Variants in PNPT1 observed in about 807,000 individuals in gnomAD.
The protein encoded by PNPT1 is polyribonucleotide nucleotidyltransferase 1, mitochondrial.
In PNPT1, 53 loss-of-function variants were observed where a neutral mutation model predicts 119.5. That is an observed-to-expected ratio of 0.44 (90% confidence interval 0.36 to 0.56). PNPT1 has a LOEUF of 0.56. Among genes scored for constraint, PNPT1 ranks in the 20% least tolerant of loss-of-function variants. The pLI is 0.00. For synonymous variants in PNPT1, 357 were observed against 322.1 expected (o/e 1.11, Z -1.16); for missense variants, 948 against 938.5 (o/e 1.01, Z -0.13).
intron 23 of PNPT1, among the ~76,000 whole-genome samples, chr2:55,643,867 G>C (rs1695911671): frequency 6.6e-6 from 1 of 152,132 alleles, no homozygotes; most frequent in African/African-American, 2.4e-5. Flanking sequence ...AGGAATGAAG[G>C]AATTCATTCA....
chr2:55,686,502 G>A, intron 2 of PNPT1, 58 bp from the exon 3 acceptor site: 3 of 1,295,596 alleles, frequency 2.3e-6, no homozygotes, highest in Non-Finnish European at 3.3e-6. Context: ...TAGCATCTAA[G>A]TAGCAACTGA....
intron 5 of PNPT1, among the ~76,000 whole-genome samples, chr2:55,682,742 T>C (rs1337278937): frequency 1.3e-5 from 2 of 151,914 alleles, no homozygotes; most frequent in African/African-American, 2.4e-5. Context: ...ACCCCCTCTC[T>C]ACAAAAAACA....
Position 55,687,688 on chromosome 2 carries a change from G to A in PNPT1, c.179C>T (p.Ser60Phe). 6.2e-7 allele frequency: 1 copy of A among 1,602,098 alleles called. No individual in the cohort carries two copies. The highest frequency in any genetic ancestry group is 2.3e-5 in the East Asian group (1 of 44,416). The part of the protein sequence containing the change: ...DLGNRKLEIS[S>F]GKLARFADGS... ...ATCTGCAAATCTGGCCAGCTTTCCA[G>A]AAGATATTTCTAATTTCCTGTTTAA... is the stretch of plus-strand genomic sequence containing the variant. The change falls in exon 2 of 28, where the codon TCT becomes TTT. Residue 60 changes from serine to phenylalanine, a missense_variant. Ser to Phe is a radical substitution (Grantham distance 155). Coordinates refer to ENST00000447944, the MANE Select transcript of PNPT1 (RefSeq NM_033109.5).
intron 15 of PNPT1, 36 bp downstream of exon 15, chr2:55,660,121 T>G (rs780363110): frequency 6.5e-7 from 1 of 1,536,188 alleles, no homozygotes; most frequent in Non-Finnish European, 8.8e-7. Flanking sequence ...TTTATTAATT[T>G]ATTAATAAAA....
intron 18 of PNPT1, among the ~76,000 whole-genome samples, chr2:55,648,146 T>C (rs1212350016): frequency 6.6e-6 from 1 of 152,226 alleles, no homozygotes; most frequent in Non-Finnish European, 1.5e-5. Context: ...CATTAGTGTA[T>C]CCTCCTAGAA....
chr2:55,693,200 G>C (rs556011486), intron 1 of PNPT1, among the ~76,000 whole-genome samples: 1 of 152,330 alleles, frequency 6.6e-6, no homozygotes, highest in Non-Finnish European at 1.5e-5. Flanking sequence ...GGAGCCCGAG[G>C]AGTGGGACGT....
intron 1 of PNPT1, among the ~76,000 whole-genome samples, chr2:55,690,760 A>G (rs1212775298): frequency 6.6e-6 from 1 of 152,188 alleles, no homozygotes; most frequent in African/African-American, 2.4e-5. Flanking sequence ...TTCAACACAG[A>G]TGTTATAATG....
At chr2:55,636,466 T>C in intron 27 of PNPT1, 74 bp from the exon 28 acceptor site, 1 of 1,470,560 alleles carries the variant, frequency 6.8e-7, no homozygotes, top group Non-Finnish European at 9.3e-7. Context: ...GACATTTAAA[T>C]TTACATGGTC....
chr2:55,683,115 T>G (rs529967278), intron 5 of PNPT1, among the ~76,000 whole-genome samples: 6 of 152,300 alleles, frequency 3.9e-5, no homozygotes, highest in Non-Finnish European at 8.8e-5. Flanking sequence ...AATTAGGTAA[T>G]AAAAATTAGT....
At chr2:55,637,168 G>A (rs1695702451) in intron 27 of PNPT1, among the ~76,000 whole-genome samples, 1 of 152,180 alleles carries the variant, frequency 6.6e-6, no homozygotes, top group South Asian at 2.1e-4. Context: ...CTCTTACCAA[G>A]CTCAAAAACT....
At chr2:55,668,057 AAC>A in intron 11 of PNPT1, 99 bp from the exon 12 acceptor site, 1 of 1,043,122 alleles carries the variant, frequency 9.6e-7, no homozygotes, top group South Asian at 1.5e-5. Context: ...TACGGGAATC[AAC>A]CAAGGGAGAT....
At chr2:55,675,936 G>T (rs1309493768) in intron 8 of PNPT1, among the ~76,000 whole-genome samples, 1 of 152,096 alleles carries the variant, frequency 6.6e-6, no homozygotes, top group Non-Finnish European at 1.5e-5. Context: ...TGCTATCGAT[G>T]CTAAAAATTT....
At chr2:55,690,954 G>A (rs1011393037) in intron 1 of PNPT1, among the ~76,000 whole-genome samples, 1 of 152,308 alleles carries the variant, frequency 6.6e-6, no homozygotes, top group South Asian at 2.1e-4. Context: ...GGTTTCATGA[G>A]GCAAATGTAA....
At chr2:55,683,171 G>A (rs1350567788) in intron 5 of PNPT1, among the ~76,000 whole-genome samples, 1 of 152,122 alleles carries the variant, frequency 6.6e-6, no homozygotes, top group Non-Finnish European at 1.5e-5. Flanking sequence ...TCCACTCACT[G>A]TAGTCACGCT....
chr2:55,659,225 G>T (rs1696486509), intron 15 of PNPT1, among the ~76,000 whole-genome samples: 1 of 152,144 alleles, frequency 6.6e-6, no homozygotes, highest in Admixed American at 6.5e-5. Flanking sequence ...AAAGTGCTGG[G>T]ATTACAGGTA....
intron 23 of PNPT1, among the ~76,000 whole-genome samples, chr2:55,643,673 A>G (rs1695906441): frequency 6.6e-6 from 1 of 152,018 alleles, no homozygotes; most frequent in African/African-American, 2.4e-5. Context: ...CCCAGGGGTC[A>G]AGGCTGGAGT....
intron 12 of PNPT1, 39 bp downstream of exon 12, chr2:55,667,823 A>G: frequency 6.3e-7 from 1 of 1,582,608 alleles, no homozygotes; most frequent in Non-Finnish European, 8.6e-7. Context: ...TTGCAGAGAC[A>G]GTGCATACTT....
intron 15 of PNPT1, 67 bp from the exon 16 acceptor site, chr2:55,656,438 C>T (rs1024550584): frequency 2.9e-6 from 4 of 1,383,456 alleles, no homozygotes; most frequent in African/African-American, 2.9e-5. Context: ...GTTATATTAC[C>T]AAAATAATAA....
At chr2:55,682,249 C>T (rs1365311177) in intron 5 of PNPT1, among the ~76,000 whole-genome samples, 2 of 151,834 alleles carry the variant, frequency 1.3e-5, no homozygotes, top group Non-Finnish European at 2.9e-5. Flanking sequence ...CTTGAGGTCA[C>T]GAGTTCAAGA....
Sources: gnomAD v4.1 joint callset for allele counts (sites outside exome capture counted in the v4.1 genomes callset) on GRCh38, gnomAD v4.1.1 for gene constraint, MANE v1.5 for transcripts, NCBI Gene and HGNC (gene_info 2026-07-23, HGNC 2026-07-21) for gene names.